The following NXPE2 variants were observed in gnomAD, a reference collection of about 807,000 sequenced individuals.
The protein encoded by NXPE2 is NXPE family member 2.
In NXPE2, 34 loss-of-function variants were observed where a neutral mutation model predicts 34.4. The observed-to-expected ratio is 0.99, with a 90% CI of 0.75 to 1.31. The LOEUF (loss-of-function observed/expected upper bound fraction) is 1.31, where lower values mean the gene tolerates loss of function less well. Among genes scored for constraint, NXPE2 ranks in the 40% most tolerant of loss-of-function variants. The pLI, the probability that NXPE2 is intolerant of heterozygous loss-of-function variation, is 0.00. For synonymous variants in NXPE2, 235 were observed against 231.3 expected (o/e 1.02, Z -0.15); for missense variants, 649 against 672.5 (o/e 0.97, Z 0.39).
chr11:114,739,577 ATG>A, the NXPE2 span, among the ~76,000 whole-genome samples: 1 of 151,988 alleles, frequency 6.6e-6, no homozygotes, highest in Admixed American at 6.5e-5. Context: ...TTTTGTGTGT[ATG>A]TGTGTGTGGT....
chr11:114,769,578 T>C, the NXPE2 span, among the ~76,000 whole-genome samples: 1 of 152,150 alleles, frequency 6.6e-6, no homozygotes, highest in Non-Finnish European at 1.5e-5. Flanking sequence ...CCATCAATGA[T>C]AGACTGGATA....
the NXPE2 span, chr11:114,523,156 G>T: frequency 8.4e-7 from 1 of 1,187,284 alleles, no homozygotes; most frequent in Non-Finnish European, 1.2e-6. Flanking sequence ...CTTCTTTCCT[G>T]GTCTTTCATT....
the NXPE2 span, among the ~76,000 whole-genome samples, chr11:114,802,598 T>C: frequency 6.6e-5 from 10 of 152,214 alleles, no homozygotes; most frequent in Non-Finnish European, 1.0e-4. Context: ...GATGGAATCA[T>C]TGAGCTAGAC....
chr11:114,492,090 C>T, the NXPE2 span, among the ~76,000 whole-genome samples: 1 of 152,078 alleles, frequency 6.6e-6, no homozygotes, highest in Admixed American at 6.5e-5. Flanking sequence ...AGCACACCAA[C>T]ATGGCACATG....
chr11:114,621,333 T>C, the NXPE2 span, among the ~76,000 whole-genome samples: 1 of 151,894 alleles, frequency 6.6e-6, no homozygotes, highest in Admixed American at 6.6e-5. Context: ...ACCCGCTGGA[T>C]AATAAGTGTT....
chr11:114,498,703 T>C, the NXPE2 span, among the ~76,000 whole-genome samples: 1 of 152,258 alleles, frequency 6.6e-6, no homozygotes. Context: ...TCATTTTAAT[T>C]ATTTTTAATC....
chr11:114,794,308 C>G, the NXPE2 span, among the ~76,000 whole-genome samples: 169 of 152,224 alleles, frequency 1.1e-3, no homozygotes, highest in African/African-American at 3.9e-3. Flanking sequence ...ATGAAGCACC[C>G]TTCCCCCTGC....
the NXPE2 span, among the ~76,000 whole-genome samples, chr11:114,574,338 GA>G: frequency 2.7e-5 from 4 of 148,938 alleles, no homozygotes; most frequent in East Asian, 2.0e-4. Flanking sequence ...AAACCTGGCA[GA>G]AAAAAAAATA....
chr11:114,802,090 G>A, the NXPE2 span, among the ~76,000 whole-genome samples: 2 of 152,178 alleles, frequency 1.3e-5, no homozygotes, highest in South Asian at 2.1e-4. Context: ...GAACCTTGGG[G>A]ATGCCAAGAT....
At chr11:114,577,649 A>C in the NXPE2 span, among the ~76,000 whole-genome samples, 1 of 152,208 alleles carries the variant, frequency 6.6e-6, no homozygotes, top group Non-Finnish European at 1.5e-5. Flanking sequence ...GGGGATGGAA[A>C]GGTAGTGAGG....
the NXPE2 span, among the ~76,000 whole-genome samples, chr11:114,636,838 TA>T: frequency 6.6e-6 from 1 of 152,156 alleles, no homozygotes; most frequent in African/African-American, 2.4e-5. Flanking sequence ...CAGTTTGTTA[TA>T]ATTTCTGTTC....
chr11:114,479,027 A>T, the NXPE2 span, among the ~76,000 whole-genome samples: 6 of 152,320 alleles, frequency 3.9e-5, no homozygotes, highest in Admixed American at 1.3e-4. Flanking sequence ...ATATTGTGAA[A>T]TGTCCTAACC....
At chr11:114,675,733 G>T (rs1421421250), upstream of NXPE2, among the ~76,000 whole-genome samples, 1 of 151,766 alleles carries the variant, frequency 6.6e-6, no homozygotes, top group East Asian at 1.9e-4. Flanking sequence ...CTTTCTAACA[G>T]AAATAAAAGT....
intron 2 of NXPE2, among the ~76,000 whole-genome samples, chr11:114,686,525 G>A (rs1316844638): frequency 1.3e-5 from 2 of 152,078 alleles, no homozygotes; most frequent in Non-Finnish European, 2.9e-5. Flanking sequence ...CCATTGTTGG[G>A]CACCTGGGTT....
At chr11:114,739,333 TTCCTTCCCCC>T in the NXPE2 span, among the ~76,000 whole-genome samples, 3 of 60,322 alleles carry the variant, frequency 5.0e-5, no homozygotes, top group African/African-American at 1.8e-4. Flanking sequence ...CCTTCCTTCC[TTCCTTCCCCC>T]CTTCCTCTCT....
chr11:114,520,975 C>A, the NXPE2 span, among the ~76,000 whole-genome samples: 1 of 152,178 alleles, frequency 6.6e-6, no homozygotes. Context: ...CCTGCTATAT[C>A]CATAGTAAAG....
the NXPE2 span, among the ~76,000 whole-genome samples, chr11:114,631,580 G>T: frequency 5.1e-4 from 77 of 151,750 alleles, no homozygotes; most frequent in African/African-American, 1.9e-3. Context: ...GTTAGATGAC[G>T]AGTTAGTGGG....
the NXPE2 span, among the ~76,000 whole-genome samples, chr11:114,575,425 A>C: frequency 2.6e-5 from 4 of 152,022 alleles, no homozygotes; most frequent in South Asian, 4.1e-4. Flanking sequence ...ATGATATGAT[A>C]GTATACCTAG....
At chr11:114,632,528 T>G in the NXPE2 span, among the ~76,000 whole-genome samples, 1 of 121,830 alleles carries the variant, frequency 8.2e-6, no homozygotes, top group East Asian at 2.1e-4. Flanking sequence ...TATATTTTGC[T>G]ATATATTTAT....
Sources: gnomAD v4.1 joint callset for allele counts (sites outside exome capture counted in the v4.1 genomes callset) on GRCh38, gnomAD v4.1.1 for gene constraint, MANE v1.5 for transcripts, NCBI Gene and HGNC (gene_info 2026-07-23, HGNC 2026-07-21) for gene names.